The following SPEG variants were observed in gnomAD, a reference collection of about 807,000 sequenced individuals.
The protein encoded by SPEG is striated muscle preferentially expressed protein kinase.
In SPEG, 114 loss-of-function variants were observed where a neutral mutation model predicts 300.4. The ratio of observed to expected loss-of-function variants is 0.38; its 90% confidence interval spans 0.33 to 0.44. SPEG has a LOEUF of 0.44. Ranked by LOEUF, SPEG falls within the 20% of genes least tolerant of loss-of-function variation. The pLI is 1.00. For synonymous variants in SPEG, 1,964 were observed against 2,018.9 expected, an observed-to-expected ratio of 0.97 and a Z score of 0.73; for missense variants, 4,201 against 4,586.2, an observed-to-expected ratio of 0.92 and a Z score of 2.43.
At position 219,488,538 on chromosome 2, in the gene SPEG, G is replaced by A; in HGVS notation, c.7899G>A (p.Val2633=). ...GGTCAGAGCCCTCAGTGATCATCGT[G>A]TCCTGCAAAGATGGGCGGCAGCTGC... ...SLRSEPSVII[V]SCKDGRQLLS... is the part of the protein sequence containing the mutation. The change falls in exon 33 of 41, where the codon GTG becomes GTA. Residue 2633 remains valine, a synonymous_variant. Transcript: ENST00000312358. 1 of 1,606,844 alleles carries A rather than the reference G, an allele frequency of 6.2e-7. No homozygotes were observed. The highest frequency in any genetic ancestry group is 8.5e-7 in the Non-Finnish European group (1 of 1,176,718).
Position 219,477,311 on chromosome 2 carries a change from G to A in SPEG, c.4595G>A (p.Ser1532Asn). 1 of 1,613,316 alleles carries A rather than the reference G, an allele frequency of 6.2e-7. No homozygotes were observed. Among genetic ancestry groups the A allele is most frequent in the Non-Finnish European group, 8.5e-7 (1 of 1,179,874 alleles). The change falls in exon 20 of 41, where the codon AGC (serine) becomes AAC (asparagine). Residue 1532 changes from serine to asparagine, a missense_variant. Ser to Asn is a conservative substitution (Grantham distance 46). This residue lies in a region of SPEG where 1,047 missense variants were observed against 1,356.8 expected (regional missense o/e 0.77). Coordinates refer to ENST00000312358, the MANE Select transcript of SPEG (RefSeq NM_005876.5). This position sits in a 1 kb window ranked among gnomAD's most constrained non-coding sequence, Gnocchi z 6.4. ...CTGCTGACCGAGAGCAGCCATGTGA[G>A]CTTCGTGTACGAGGAGAATGAGTGC... ...EVLLTESSHV[S>N]FVYEENECSL...
rs565137573 is a variant in SPEG, at chr2:219,435,093, T to C, written c.116T>C (p.Val39Ala). 2,216 of 1,461,702 alleles carry C rather than the reference T, an allele frequency of 1.5e-3. 32 individuals are homozygous for C. The African/African-American group carries it at 0.03, about 20-fold the overall frequency. The allele number at this position is 1,461,702 out of a possible 1,614,324, so 90.5% of individuals were successfully genotyped here. ...VGAGGGAPVA[V>A]AGAPVFLRPL... is the part of the protein sequence containing the mutation. The stretch of plus-strand genomic sequence containing the variant: ...GCCGGCGGCGGGGCTCCTGTGGCCG[T>C]GGCCGGGGCGCCAGTCTTCCTGCGG... The change falls in exon 1 of 41, where the codon GTG (valine) becomes GCG (alanine). Residue 39 changes from valine (V) to alanine (A), a missense_variant. This residue lies in a region of SPEG where 1,258 missense variants were observed against 1,293.9 expected (regional missense o/e 0.97). Transcript: ENST00000312358.
intron 6 of SPEG, among the ~76,000 whole-genome samples, chr2:219,457,148 C>T (rs1014521964): frequency 5.3e-5 from 8 of 152,206 alleles, no homozygotes; most frequent in African/African-American, 1.4e-4. Flanking sequence ...GGGGTTACCA[C>T]AGCAGACATT....
chr2:219,488,559 G>T lies in SPEG; in HGVS notation c.7920G>T (p.Gln2640His). ...TCGTGTCCTGCAAAGATGGGCGGCAGCTGCTCAGCATCCCCCGGGCGGGCA... is the reference window on the plus strand; with the variant it reads ...TCGTGTCCTGCAAAGATGGGCGGCATCTGCTCAGCATCCCCCGGGCGGGCA... ...VIIVSCKDGRQLLSIPRAGKR... is the reference protein window; with the variant it reads ...VIIVSCKDGRHLLSIPRAGKR... The change falls in exon 33 of 41, where the codon CAG (glutamine) becomes CAT (histidine). Residue 2640 changes from glutamine to histidine, a missense_variant. By Grantham distance (24) the Gln-to-His change is conservative (BLOSUM62 0). This residue lies in a region of SPEG where 1,578 missense variants were observed against 1,506.0 expected (regional missense o/e 1.05). Coordinates refer to ENST00000312358, the MANE Select transcript of SPEG (RefSeq NM_005876.5). 6.2e-7 allele frequency: 1 copy of T among 1,611,176 alleles called. No homozygotes were observed. Among genetic ancestry groups the T allele is most frequent in the Non-Finnish European group, 8.5e-7 (1 of 1,178,876 alleles).
intron 6 of SPEG, chr2:219,460,279 G>A: frequency 1.0e-6 from 1 of 984,612 alleles, no homozygotes; most frequent in South Asian, 4.7e-5. Flanking sequence ...GGAGGGCAAA[G>A]ATCTTGACAG....
At chr2:219,447,221 G>A (rs937014538) in intron 3 of SPEG, among the ~76,000 whole-genome samples, 1 of 150,790 alleles carries the variant, frequency 6.6e-6, no homozygotes, top group Non-Finnish European at 1.5e-5. Flanking sequence ...TGTGGGGGGG[G>A]GCCTTCTGTA....
intron 6 of SPEG, chr2:219,460,448 C>G: frequency 1.0e-6 from 1 of 985,418 alleles, no homozygotes; most frequent in Non-Finnish European, 1.2e-6. Flanking sequence ...GTGGACGTGT[C>G]AGAACAAATG....
rs1245263326 is a variant in SPEG at position 219,436,077 on chromosome 2, G to T, written c.388+712G>T. On this transcript the variant is annotated intron_variant, in intron 1 of 40. Transcript: ENST00000312358. The stretch of plus-strand genomic sequence containing the variant: ...AACAGGTGAGGTATGGGCACGTGGA[G>T]CTGGAATGGGAAGCTCCTGGACCAT... 3.3e-5 allele frequency among the ~76,000 whole-genome samples: 5 copies of T among 152,240 alleles called. No individual in the cohort carries two copies. The East Asian group carries it at 9.6e-4, about 29-fold the overall frequency.
chr2:219,460,513 G>T, intron 6 of SPEG: 2 of 985,418 alleles, frequency 2.0e-6, no homozygotes, highest in Non-Finnish European at 2.4e-6. Flanking sequence ...CCCCTGTCTT[G>T]CTCGGGGACG....
At position 219,473,839 on chromosome 2, in the gene SPEG, C is replaced by T. The variant is rs568204348; in HGVS notation, c.4383C>T (p.Ala1461=). 6.2e-6 allele frequency: 10 copies of T among 1,613,792 alleles called. No homozygotes were observed. In the Admixed American group the frequency reaches 1.0e-4, roughly 16 times the overall value. Residue 1461 remains alanine (A), a synonymous_variant, in exon 18 of 41, where the codon GCC becomes GCT. Transcript: ENST00000312358. This position sits in a 1 kb window ranked among gnomAD's most constrained non-coding sequence, Gnocchi z 4.6. ...GGGTGAGCCGCCGGGACATGGGGGC[C>T]CTCACCTGCACCGCCCGAAACCGTC... ...ICRVSRRDMG[A]LTCTARNRHG...
rs939850699 is a variant in SPEG at position 219,445,629 on chromosome 2, C to T, written c.815+468C>T. The stretch of plus-strand genomic sequence containing the variant: ...CAGAACCTTTCCACACGGCAGCTCC[C>T]GGGAGAGCAGGAGAGAGCAGGGGAA... On this transcript the variant is annotated intron_variant, in intron 3 of 40. Transcript: ENST00000312358. This position sits in a 1 kb window ranked among gnomAD's most constrained non-coding sequence, Gnocchi z 6.1. 2.1e-4 allele frequency: 38 copies of T among 180,732 alleles called. No homozygotes were observed. The highest frequency in any genetic ancestry group is 1.3e-3 in the Admixed American group (25 of 18,694). The allele number at this position is 180,732 out of a possible 1,614,324, so 11.2% of individuals were successfully genotyped here.
chr2:219,438,617 T>C (rs1357030298), intron 1 of SPEG, among the ~76,000 whole-genome samples: 1 of 152,162 alleles, frequency 6.6e-6, no homozygotes, highest in Non-Finnish European at 1.5e-5. Flanking sequence ...CTCAAAGCTG[T>C]GGGTGTGCGT....
intron 3 of SPEG, 68 bp from the exon 4 acceptor site, chr2:219,447,906 T>A: frequency 6.8e-7 from 1 of 1,468,708 alleles, no homozygotes; most frequent in East Asian, 2.3e-5. Context: ...CCAATTCCTG[T>A]CACAAGCTAA....
Position 219,492,860 on chromosome 2 carries a change from C to A in SPEG, c.*74C>A, listed in dbSNP as rs1302324820. On this transcript the variant is annotated 3_prime_UTR_variant, in exon 41 of 41. Transcript: ENST00000312358. ...ATGCCACGGGACATTCCAGGGCCCA[C>A]GCTGAGCCAGGCGGGCCTGGGGCTT... is the stretch of plus-strand genomic sequence containing the variant. The A allele has an allele frequency of 2.1e-6, 3 of 1,462,892 alleles. No individual in the cohort carries two copies. The highest frequency in any genetic ancestry group is 1.4e-5 in the African/African-American group (1 of 71,536). The allele number at this position is 1,462,892 out of a possible 1,614,324, so 90.6% of individuals were successfully genotyped here. A position where few individuals can be genotyped will look rare whatever the true frequency, so the allele number is the denominator to read the frequency against.
At chr2:219,492,355 G>A in intron 40 of SPEG, 95 bp downstream of exon 40, 2 of 1,391,074 alleles carry the variant, frequency 1.4e-6, no homozygotes, top group Non-Finnish European at 2.0e-6. Flanking sequence ...CTCCTAGGAA[G>A]AAGTCTGCTG....
intron 31 of SPEG, 29 bp downstream of exon 31, chr2:219,485,506 C>A: frequency 1.3e-6 from 2 of 1,514,940 alleles, no homozygotes; most frequent in Non-Finnish European, 1.8e-6. Context: ...GGTGAGGACC[C>A]TCCTCCCCTC....
Position 219,477,362 on chromosome 2 carries a change from C to T in SPEG, c.4646C>T (p.Ala1549Val). ...ECSLVVLSTGAQDGGVYTCTA... is the reference protein window; with the variant it reads ...ECSLVVLSTGVQDGGVYTCTA... ...TCCCTGGTGGTGCTCAGCACGGGGG[C>T]CCAGGATGGAGGCGTCTACACCTGC... The change falls in exon 20 of 41, where the codon GCC becomes GTC. Residue 1549 changes from alanine (A) to valine (V), a missense_variant. Coordinates refer to ENST00000312358, the MANE Select transcript of SPEG (RefSeq NM_005876.5). The surrounding 1 kb of genome is among the most constrained non-coding windows in gnomAD (Gnocchi z 6.4). The T allele has an allele frequency of 6.2e-7, 1 of 1,613,128 alleles. No homozygotes were observed. Among genetic ancestry groups the T allele is most frequent in the Non-Finnish European group, 8.5e-7 (1 of 1,179,664 alleles).
chr2:219,435,025 AC>A lies in SPEG; in HGVS notation c.54del (p.Ser19AlafsTer31). On this transcript the variant is annotated frameshift_variant, in exon 1 of 41. Transcript: ENST00000312358. LOFTEE classifies it high-confidence loss of function. ...TRGEDAGTRAPPSPGVPPKRA... is the reference protein window; with the variant it reads ...TRGEDAGTRAXPSPGVPPKRA... ...GAGGCGAGGATGCGGGCACGAGGGCACCCCCCAGCCCCGGAGTGCCCCCGAA... is the reference window on the plus strand; with the variant it reads ...GAGGCGAGGATGCGGGCACGAGGGCACCCCCAGCCCCGGAGTGCCCCCGAA... 17 of 1,501,204 alleles carry A rather than the reference AC, an allele frequency of 1.1e-5. No individual in the cohort carries two copies. The highest frequency in any genetic ancestry group is 8.4e-5 in the Admixed American group (4 of 47,808). 93.0% of individuals were successfully genotyped at this position (1,501,204 alleles called of 1,614,324 possible).
At position 219,458,504 on chromosome 2, in the gene SPEG, T is replaced by G. The variant is rs140438466; in HGVS notation, c.2441-3378T>G. On this transcript the variant is annotated intron_variant, in intron 6 of 40. Transcript: ENST00000312358. The surrounding 1 kb of genome is among the most constrained non-coding windows in gnomAD (Gnocchi z 4.2). ...ATTCCGTGGGTGGGGCCCAGCACTC[T>G]ATGGTCTAAGGAGCCCTCCAGGTGA... Among the ~76,000 whole-genome samples, 453 of 152,192 alleles carry G rather than the reference T, an allele frequency of 3.0e-3. 4 individuals are homozygous for G. Among genetic ancestry groups the G allele is most frequent in the Admixed American group, 7.1e-3 (108 of 15,288 alleles).
Sources: allele counts gnomAD v4.1 joint callset (sites outside exome capture counted in the v4.1 genomes callset), GRCh38; gene constraint gnomAD v4.1.1; regional missense constraint gnomAD v4.1.1; non-coding constraint Gnocchi (gnomAD v3.1); transcripts MANE v1.5; gene names NCBI Gene and HGNC (gene_info 2026-07-23, HGNC 2026-07-21).